Variants in MACROD2 observed in about 807,000 individuals in gnomAD.
MACROD2 encodes mono-ADP ribosylhydrolase 2.
In MACROD2, 36 loss-of-function variants were observed where a neutral mutation model predicts 70.4. The ratio of observed to expected loss-of-function variants is 0.51; its 90% CI spans 0.39 to 0.68. The LOEUF (loss-of-function observed/expected upper bound fraction) is 0.68, where lower values mean the gene tolerates loss of function less well. MACROD2 is among the 30% of genes least tolerant of loss of function. The probability of loss-of-function intolerance (pLI) is 0.00; values close to 1 mark genes in which losing one functional copy is unlikely to be tolerated. For missense variants in MACROD2, 496 were observed against 538.4 expected (o/e 0.92, Z 0.78); for synonymous variants, 172 against 178.8 (o/e 0.96, Z 0.30).
At chr20:14,246,791 C>T (rs2122253298) in intron 3 of MACROD2, among the ~76,000 whole-genome samples, 1 of 152,242 alleles carries the variant, frequency 6.6e-6, no homozygotes, top group Admixed American at 6.5e-5. Context: ...TGTAAAAACC[C>T]CTCCCAAACT....
intron 5 of MACROD2, among the ~76,000 whole-genome samples, chr20:15,157,521 T>G (rs968993742): frequency 6.6e-6 from 1 of 152,106 alleles, no homozygotes; most frequent in Non-Finnish European, 1.5e-5. Context: ...GTCCTTTCAT[T>G]TAGTAAGTGT....
At chr20:15,737,926 C>T (rs559257189) in intron 8 of MACROD2, among the ~76,000 whole-genome samples, 7 of 151,444 alleles carry the variant, frequency 4.6e-5, no homozygotes, top group East Asian at 1.9e-4. Context: ...GGATGAATGG[C>T]GGATGGATGG....
intron 8 of MACROD2, among the ~76,000 whole-genome samples, chr20:15,729,396 T>G (rs1250786098): frequency 6.6e-6 from 1 of 152,180 alleles, no homozygotes; most frequent in Non-Finnish European, 1.5e-5. Context: ...AGATGTCTCT[T>G]AGGTCCATTG....
At chr20:15,848,841 T>G (rs1268429573) in intron 8 of MACROD2, among the ~76,000 whole-genome samples, 1 of 152,152 alleles carries the variant, frequency 6.6e-6, no homozygotes, top group African/African-American at 2.4e-5. Flanking sequence ...AGTGGAGAGA[T>G]ATGACAGACC....
At chr20:14,335,892 T>C (rs1381088906) in intron 3 of MACROD2, among the ~76,000 whole-genome samples, 1 of 152,278 alleles carries the variant, frequency 6.6e-6, no homozygotes, top group East Asian at 1.9e-4. Context: ...GTGTCCAAAC[T>C]AAGGGGCATA....
At chr20:15,274,188 G>T (rs2077370704) in intron 6 of MACROD2, among the ~76,000 whole-genome samples, 1 of 152,174 alleles carries the variant, frequency 6.6e-6, no homozygotes, top group Admixed American at 6.5e-5. Context: ...AGGAAACTAA[G>T]ATAAGACTGG....
intron 3 of MACROD2, among the ~76,000 whole-genome samples, chr20:14,286,288 T>G (rs1308695880): frequency 2.0e-5 from 3 of 152,150 alleles, no homozygotes; most frequent in African/African-American, 7.2e-5. Context: ...TTTTTAGCAT[T>G]TCTGTGCTTT....
intron 15 of MACROD2, among the ~76,000 whole-genome samples, chr20:16,005,051 A>T (rs2066769364): frequency 6.6e-6 from 1 of 152,202 alleles, no homozygotes; most frequent in Admixed American, 6.5e-5. Flanking sequence ...AACAGGATAT[A>T]TGGGGGGAAA....
chr20:15,773,713 C>T (rs917071346), intron 8 of MACROD2, among the ~76,000 whole-genome samples: 2 of 152,094 alleles, frequency 1.3e-5, no homozygotes, highest in Non-Finnish European at 2.9e-5. Context: ...TTCCTGAAGA[C>T]AGCTGATAAA....
chr20:15,881,622 G>A (rs1262468508), intron 9 of MACROD2, among the ~76,000 whole-genome samples: 1 of 152,120 alleles, frequency 6.6e-6, no homozygotes, highest in Non-Finnish European at 1.5e-5. Context: ...TAGAACAATG[G>A]CTGGTTATTG....
At chr20:14,265,271 G>T (rs964221019) in intron 3 of MACROD2, among the ~76,000 whole-genome samples, 2 of 152,128 alleles carry the variant, frequency 1.3e-5, no homozygotes, top group South Asian at 4.2e-4. Flanking sequence ...AGAGTCCCCA[G>T]GTGTGAGAAT....
At chr20:15,663,286 A>T (rs2049848949) in intron 8 of MACROD2, among the ~76,000 whole-genome samples, 1 of 140,484 alleles carries the variant, frequency 7.1e-6, no homozygotes. Flanking sequence ...CCCGCGCTGT[A>T]CTGCAGTGGT....
chr20:15,045,435 T>G (rs1013631126), intron 5 of MACROD2, among the ~76,000 whole-genome samples: 5 of 152,160 alleles, frequency 3.3e-5, no homozygotes, highest in Non-Finnish European at 1.5e-5. Flanking sequence ...GCAGCACATT[T>G]GAGGCCCGGG....
intron 5 of MACROD2, among the ~76,000 whole-genome samples, chr20:14,736,429 AT>A (rs2071665450): frequency 6.6e-6 from 1 of 152,236 alleles, no homozygotes; most frequent in East Asian, 1.9e-4. Flanking sequence ...TTGTGAAAGT[AT>A]ACTGAAAGTC....
At chr20:14,336,321 G>A (rs1442450466) in intron 3 of MACROD2, among the ~76,000 whole-genome samples, 6 of 147,860 alleles carry the variant, frequency 4.1e-5, no homozygotes, top group Non-Finnish European at 6.0e-5. Context: ...ACTAAAAATT[G>A]AAAAAAAAAT....
At chr20:15,661,038 C>T (rs2049814640) in intron 8 of MACROD2, among the ~76,000 whole-genome samples, 1 of 152,108 alleles carries the variant, frequency 6.6e-6, no homozygotes, top group Non-Finnish European at 1.5e-5. Flanking sequence ...CACCAGATTC[C>T]AACTGGTCTC....
At chr20:15,805,065 T>G (rs919244769) in intron 8 of MACROD2, among the ~76,000 whole-genome samples, 1 of 152,196 alleles carries the variant, frequency 6.6e-6, no homozygotes, top group Non-Finnish European at 1.5e-5. Flanking sequence ...CTTTTCAATG[T>G]CCCTACTGGT....
intron 12 of MACROD2, among the ~76,000 whole-genome samples, chr20:15,954,570 C>T (rs2065950240): frequency 6.6e-6 from 1 of 152,138 alleles, no homozygotes; most frequent in Admixed American, 6.6e-5. Flanking sequence ...ACCATTTTAT[C>T]CCTGTGATTA....
Position 15,885,820 on chromosome 20 carries a change from T to C in MACROD2, c.775+9T>C. 1 of 1,499,680 alleles carries C rather than the reference T, an allele frequency of 6.7e-7. No homozygotes were observed. The allele number at this position is 1,499,680 out of a possible 1,614,324, so 92.9% of individuals were successfully genotyped here. A position where few individuals can be genotyped will look rare whatever the true frequency, so the allele number is the denominator to read the frequency against. ...AATGAAAGAAGATTCAGGTATTAAA[T>C]TCATACTTTTATTATTAGGGGGTAG... is the stretch of plus-strand genomic sequence containing the variant. On this transcript the variant is annotated intron_variant, in intron 10 of 17. Coordinates refer to ENST00000684519, the MANE Select transcript of MACROD2 (RefSeq NM_001351661.2).
Sources: allele counts gnomAD v4.1 joint callset (sites outside exome capture counted in the v4.1 genomes callset), GRCh38; gene constraint gnomAD v4.1.1; transcripts MANE v1.5; gene names NCBI Gene and HGNC (gene_info 2026-07-23, HGNC 2026-07-21).